Variants in RDH16 observed in about 807,000 individuals in gnomAD.
The protein encoded by RDH16 is retinol dehydrogenase 16.
A neutral mutation model predicts 22.3 loss-of-function variants in RDH16; 25 were observed. The observed-to-expected ratio is 1.12, with a 90% CI of 0.82 to 1.56. RDH16 has a LOEUF of 1.56. Ranked by LOEUF, RDH16 falls within the 40% of genes most tolerant of loss-of-function variation. RDH16 has a pLI of 0.00. For missense variants in RDH16, 413 were observed against 394.9 expected (o/e 1.05, Z -0.39); for synonymous variants, 154 against 164.4 (o/e 0.94, Z 0.48).
chr12:56,956,072 T>C (rs1034222643), intron 1 of RDH16, among the ~76,000 whole-genome samples: 3 of 152,128 alleles, frequency 2.0e-5, no homozygotes, highest in Admixed American at 6.6e-5. Flanking sequence ...TCTGGAAGGG[T>C]TGGCCCAGGC....
chr12:56,954,916 C>A lies in RDH16; in HGVS notation c.562G>T (p.Asp188Tyr). The change falls in exon 2 of 4, where the codon GAC becomes TAC. Residue 188 changes from aspartate to tyrosine, a missense_variant. Physicochemically the swap from Asp to Tyr is radical, Grantham distance 160 (BLOSUM62 -3). Coordinates refer to ENST00000398138, the MANE Select transcript of RDH16 (RefSeq NM_003708.5). Reference sequence around the variant, plus strand: ...ATCCCAGACCCATACCTGAGGGAGTCAGAGAAGGCTTCCACGCCATACTTG... The same window carrying A: ...ATCCCAGACCCATACCTGAGGGAGTAAGAGAAGGCTTCCACGCCATACTTG... ...ISKYGVEAFS[D>Y]SLRRELSYFG... The A allele has an allele frequency of 6.2e-7, 1 of 1,614,116 alleles. No individual in the cohort carries two copies. The highest frequency in any genetic ancestry group is 8.5e-7 in the Non-Finnish European group (1 of 1,180,004).
In RDH16 at chr12:56,957,196, GCTCT is replaced by G. The variant is rs1565619286; in HGVS notation, c.263_266del (p.Glu88AlafsTer9). On this transcript the variant is annotated frameshift_variant, in exon 1 of 4. Transcript: ENST00000398138. LOFTEE classifies it high-confidence loss of function. ...TCACCCACTGGGCGGCTGCAGCAAC[GCTCT>G]CTGTCTTGGTAACATCCAGGGTCAC... is the stretch of plus-strand genomic sequence containing the variant. 8.1e-6 allele frequency: 13 copies of G among 1,613,750 alleles called. No homozygotes were observed. The highest frequency in any genetic ancestry group is 1.1e-5 in the Non-Finnish European group (13 of 1,179,838).
At chr12:56,952,280 C>T (rs1565617877) in intron 3 of RDH16, 34 bp from the exon 4 acceptor site, 5 of 1,584,644 alleles carry the variant, frequency 3.2e-6, no homozygotes, top group Middle Eastern at 1.7e-4. Flanking sequence ...ATGTATATTT[C>T]CACCTCTAAC....
At chr12:56,953,067 T>C (rs982009029) in intron 2 of RDH16, 77 bp from the exon 3 acceptor site, 448 of 1,334,078 alleles carry the variant, frequency 3.4e-4, no homozygotes, top group Non-Finnish European at 4.3e-4. Context: ...AGTAAAACTA[T>C]GATATCACAA....
chr12:56,954,449 T>C (rs1009584859), intron 2 of RDH16, among the ~76,000 whole-genome samples: 1 of 152,226 alleles, frequency 6.6e-6, no homozygotes, highest in Non-Finnish European at 1.5e-5. Flanking sequence ...CATCCAGCAC[T>C]GACTGCCTGG....
In RDH16 at chr12:56,957,166, C is replaced by A; in HGVS notation, c.297G>T (p.Glu99Asp). The A allele has an allele frequency of 3.7e-6, 6 of 1,611,476 alleles. No homozygotes were observed. Among genetic ancestry groups the A allele is most frequent in the South Asian group, 1.1e-5 (1 of 90,922 alleles). Residue 99 changes from glutamate to aspartate, a missense_variant, in exon 1 of 4, where the codon GAG becomes GAT. By Grantham distance (45) the Glu-to-Asp change is conservative (BLOSUM62 2). Transcript: ENST00000398138. Reference protein sequence around the residue: ...SVAAAAQWVKECVRDKGLWGL... With the variant: ...SVAAAAQWVKDCVRDKGLWGL... ...GGTGGTTACCTTTGTCTCTCACGCA[C>A]TCCTTCACCCACTGGGCGGCTGCAG...
rs901068 is a variant in RDH16, at chr12:56,953,021, T to C, written c.573-31A>G. On this transcript the variant is annotated intron_variant, in intron 2 of 3. Transcript: ENST00000398138. ...AGACAGAGAAGCAGAGGGGAAAAAC[T>C]TCGGGGGTCTTGGAAGGTAAAACAC... 4 of 1,577,334 alleles carry C rather than the reference T, an allele frequency of 2.5e-6. No individual in the cohort carries two copies. The Admixed American group carries it at 7.4e-5, about 29-fold the overall frequency.
Position 56,952,271 on chromosome 12 carries a change from T to G in RDH16, c.737-25A>C, listed in dbSNP as rs369086541. 1.9e-6 allele frequency: 3 copies of G among 1,606,664 alleles called. No individual in the cohort carries two copies. The Admixed American group carries it at 5.0e-5, about 27-fold the overall frequency. On this transcript the variant is annotated intron_variant, in intron 3 of 3. Coordinates refer to ENST00000398138, the MANE Select transcript of RDH16 (RefSeq NM_003708.5). ...TCTGTTAAGAATCAGAAACAATCCA[T>G]GTATATTTCCACCTCTAACCGCTCC...
At chr12:56,953,107 C>A (rs2136379267) in intron 2 of RDH16, 117 bp from the exon 3 acceptor site, 1 of 935,022 alleles carries the variant, frequency 1.1e-6, no homozygotes, top group Non-Finnish European at 1.6e-6. Flanking sequence ...AAATAGAAAG[C>A]TTGGAATATT....
rs756923785 is a variant in RDH16, at chr12:56,957,483, C to T, written c.-21G>A. On this transcript the variant is annotated 5_prime_UTR_variant, in exon 1 of 4. The change creates a new upstream start codon in the 5' untranslated region. Coordinates refer to ENST00000398138, the MANE Select transcript of RDH16 (RefSeq NM_003708.5). ...CACATGGCTTTGCAGAGGACAGACA[C>T]AGACAGGCTGTGGGGGAAACCAGAG... 4.6e-5 allele frequency: 73 copies of T among 1,589,368 alleles called. No individual in the cohort carries two copies. The highest frequency in any genetic ancestry group is 5.6e-5 in the Non-Finnish European group (65 of 1,164,636).
At chr12:56,952,283 C>G (rs1379394193) in intron 3 of RDH16, 37 bp from the exon 4 acceptor site, 4 of 1,580,734 alleles carry the variant, frequency 2.5e-6, no homozygotes, top group Middle Eastern at 1.7e-4. Context: ...TATATTTCCA[C>G]CTCTAACCGC....
At chr12:56,957,128 C>T (rs764645730) in intron 1 of RDH16, 22 bp downstream of exon 1, 1 of 1,586,946 alleles carries the variant, frequency 6.3e-7, no homozygotes, top group Admixed American at 1.7e-5. Flanking sequence ...CACAGACAGA[C>T]TTGACAAACC....
At chr12:56,953,981 G>A (rs1955904926) in intron 2 of RDH16, among the ~76,000 whole-genome samples, 1 of 152,174 alleles carries the variant, frequency 6.6e-6, no homozygotes, top group Non-Finnish European at 1.5e-5. Flanking sequence ...TAAAGTGTCT[G>A]TTGTGTGGAC....
At chr12:56,953,344 C>G (rs1402723822) in intron 2 of RDH16, among the ~76,000 whole-genome samples, 1 of 152,204 alleles carries the variant, frequency 6.6e-6, no homozygotes, top group East Asian at 1.9e-4. Flanking sequence ...TTTTCCTGCC[C>G]CAGGAATCTC....
Position 56,957,550 on chromosome 12 carries a change from G to A in RDH16, c.-88C>T, listed in dbSNP as rs1198935635. On this transcript the variant is annotated 5_prime_UTR_variant, in exon 1 of 4. Transcript: ENST00000398138. ...ACAGGAGGATTTAAGAACACAGAGGGCTGTGGTAGGCAGGGAAGCCCTCAG... is the reference window on the plus strand; with the variant it reads ...ACAGGAGGATTTAAGAACACAGAGGACTGTGGTAGGCAGGGAAGCCCTCAG... 12 of 1,426,450 alleles carry A rather than the reference G, an allele frequency of 8.4e-6. No individual in the cohort carries two copies. Among genetic ancestry groups the A allele is most frequent in the African/African-American group, 1.4e-5 (1 of 70,044 alleles). 88.4% of individuals were successfully genotyped at this position (1,426,450 alleles called of 1,614,324 possible).
chr12:56,955,010 C>T lies in RDH16; in HGVS notation c.468G>A (p.Arg156=), dbSNP rs1955914860. The T allele has an allele frequency of 6.2e-7, 1 of 1,614,036 alleles. No individual in the cohort carries two copies. Among genetic ancestry groups the T allele is most frequent in the Non-Finnish European group, 8.5e-7 (1 of 1,180,034 alleles). ...LSLLPLVRRA[R]GRVVNVSSVM... is the part of the protein sequence containing the mutation. ...CACTGGAGACGTTGACCACACGGCCCCTGGCCCTCCTCACTAAGGGCAGCA... is the reference window on the plus strand; with the variant it reads ...CACTGGAGACGTTGACCACACGGCCTCTGGCCCTCCTCACTAAGGGCAGCA... The change falls in exon 2 of 4, where the codon AGG becomes AGA. Residue 156 remains arginine (R), a synonymous_variant. Coordinates refer to ENST00000398138, the MANE Select transcript of RDH16 (RefSeq NM_003708.5).
At chr12:56,952,500 A>C (rs2136378773) in intron 3 of RDH16, among the ~76,000 whole-genome samples, 1 of 152,286 alleles carries the variant, frequency 6.6e-6, no homozygotes, top group East Asian at 1.9e-4. Flanking sequence ...CTCCACCCAC[A>C]GTAGAAGTCT....
intron 1 of RDH16, 80 bp from the exon 2 acceptor site, chr12:56,955,244 C>A: frequency 6.5e-7 from 1 of 1,534,204 alleles, no homozygotes. Flanking sequence ...AATCACATCC[C>A]AATAAAGTGA....
chr12:56,955,097 C>G lies in RDH16; in HGVS notation c.381G>C (p.Lys127Asn). 1 of 1,614,088 alleles carries G rather than the reference C, an allele frequency of 6.2e-7. No homozygotes were observed. Among genetic ancestry groups the G allele is most frequent in the Non-Finnish European group, 8.5e-7 (1 of 1,180,018 alleles). ...LPTAPNELLTKQDFVTILDVN... is the reference protein window; with the variant it reads ...LPTAPNELLTNQDFVTILDVN... Reference sequence around the variant, plus strand: ...CGTCCAGTATGGTCACGAAGTCCTGCTTGGTGAGCAACTCATTGGGAGCCG... The same window carrying G: ...CGTCCAGTATGGTCACGAAGTCCTGGTTGGTGAGCAACTCATTGGGAGCCG... Residue 127 changes from lysine (K) to asparagine (N), a missense_variant, in exon 2 of 4, where the codon AAG (lysine) becomes AAC (asparagine). By Grantham distance (94) the Lys-to-Asn change is moderately conservative. Coordinates refer to ENST00000398138, the MANE Select transcript of RDH16 (RefSeq NM_003708.5).
Sources: gnomAD v4.1 joint callset for allele counts (sites outside exome capture counted in the v4.1 genomes callset) on GRCh38, gnomAD v4.1.1 for gene constraint, MANE v1.5 for transcripts, NCBI Gene and HGNC (gene_info 2026-07-23, HGNC 2026-07-21) for gene names.